DYNC1I1: variants seen among roughly 807,000 people sequenced by gnomAD.
The protein encoded by DYNC1I1 is cytoplasmic dynein 1 intermediate chain 1.
Under a neutral mutation model 86.6 loss-of-function variants are expected in DYNC1I1, and 43 were observed. The observed-to-expected ratio is 0.50, with a 90% confidence interval of 0.39 to 0.64. The LOEUF is 0.64. DYNC1I1 is among the 30% of genes least tolerant of loss of function. The pLI is 0.00. For synonymous variants in DYNC1I1, 262 were observed against 283.7 expected (o/e 0.92, Z 0.77); for missense variants, 604 against 788.8 (o/e 0.77, Z 2.81).
intron 14 of DYNC1I1, among the ~76,000 whole-genome samples, chr7:96,068,435 C>T (rs1425699196): frequency 6.6e-6 from 1 of 152,044 alleles, no homozygotes; most frequent in Non-Finnish European, 1.5e-5. Flanking sequence ...TGTGGGAGTG[C>T]AGAGCTACAT....
At chr7:95,942,833 T>A (rs1198197964) in intron 6 of DYNC1I1, among the ~76,000 whole-genome samples, 2 of 144,580 alleles carry the variant, frequency 1.4e-5, no homozygotes, top group African/African-American at 2.6e-5. Flanking sequence ...CCCTTCATGC[T>A]AAAAACTCTC....
chr7:95,836,918 C>T (rs1294917783), intron 5 of DYNC1I1, among the ~76,000 whole-genome samples: 1 of 151,668 alleles, frequency 6.6e-6, no homozygotes. Context: ...TTTGAATGTC[C>T]TCCCGTAGCT....
chr7:95,804,920 C>G, intron 2 of DYNC1I1, 83 bp downstream of exon 2: 4 of 1,486,414 alleles, frequency 2.7e-6, no homozygotes, highest in Non-Finnish European at 3.6e-6. Context: ...ATAAATAGGA[C>G]TCCCTAAAAG....
At chr7:95,986,547 A>T (rs1793599687) in intron 8 of DYNC1I1, among the ~76,000 whole-genome samples, 1 of 152,150 alleles carries the variant, frequency 6.6e-6, no homozygotes, top group African/African-American at 2.4e-5. Context: ...CGCCTGTCTC[A>T]TGGTAGAAAT....
intron 13 of DYNC1I1, among the ~76,000 whole-genome samples, chr7:96,037,248 G>A (rs920161238): frequency 1.3e-5 from 2 of 152,030 alleles, no homozygotes; most frequent in Non-Finnish European, 2.9e-5. Flanking sequence ...CATAAACCCT[G>A]GCTAAAACCA....
intron 14 of DYNC1I1, among the ~76,000 whole-genome samples, chr7:96,061,854 T>C (rs986803215): frequency 6.6e-6 from 1 of 152,148 alleles, no homozygotes; most frequent in Non-Finnish European, 1.5e-5. Context: ...GTTCTATGGG[T>C]TCCCTATTAA....
intron 16 of DYNC1I1, among the ~76,000 whole-genome samples, chr7:96,105,137 A>G (rs1791196567): frequency 2.0e-5 from 3 of 151,826 alleles, no homozygotes; most frequent in African/African-American, 2.4e-5. Flanking sequence ...ATTTTTTACT[A>G]GTTTGTAGAA....
At chr7:96,017,348 C>CGG in intron 10 of DYNC1I1, among the ~76,000 whole-genome samples, 1 of 152,134 alleles carries the variant, frequency 6.6e-6, no homozygotes, top group African/African-American at 2.4e-5. Flanking sequence ...CGCCTTGTAC[C>CGG]ACATCGCTAT....
At chr7:95,908,607 G>C (rs553655093) in intron 6 of DYNC1I1, among the ~76,000 whole-genome samples, 2 of 151,960 alleles carry the variant, frequency 1.3e-5, no homozygotes, top group African/African-American at 2.4e-5. Context: ...GCATTCAGTC[G>C]TCTGGCCTCT....
At chr7:95,951,765 G>A (rs114166052) in intron 6 of DYNC1I1, among the ~76,000 whole-genome samples, 6,201 of 152,164 alleles carry the variant, frequency 0.041, 329 homozygotes, top group African/African-American at 0.13. Flanking sequence ...TTCATGCAGC[G>A]AAGAGCTGCA....
chr7:95,896,070 C>T (rs891364162), intron 6 of DYNC1I1, among the ~76,000 whole-genome samples: 1 of 152,160 alleles, frequency 6.6e-6, no homozygotes, highest in Non-Finnish European at 1.5e-5. Flanking sequence ...CAAATTATAG[C>T]AGAAGCTGGG....
chr7:96,008,416 A>G (rs1406265540), intron 10 of DYNC1I1, among the ~76,000 whole-genome samples: 4 of 152,214 alleles, frequency 2.6e-5, no homozygotes, highest in Non-Finnish European at 5.9e-5. Flanking sequence ...AAATACAAAA[A>G]AAAAGGCACT....
intron 10 of DYNC1I1, among the ~76,000 whole-genome samples, chr7:95,999,498 G>A (rs1793957480): frequency 6.6e-6 from 1 of 152,292 alleles, no homozygotes; most frequent in Middle Eastern, 3.4e-3. Context: ...GTTTGTGTCA[G>A]TGTTTAAAGC....
intron 1 of DYNC1I1, among the ~76,000 whole-genome samples, chr7:95,795,672 T>C (rs1360042143): frequency 1.3e-5 from 2 of 151,950 alleles, no homozygotes; most frequent in Non-Finnish European, 2.9e-5. Flanking sequence ...TACTTGTAAG[T>C]GGGAGCTAAA....
chr7:95,936,954 T>TCACACA (rs1491214381), intron 6 of DYNC1I1, among the ~76,000 whole-genome samples: 30 of 32,502 alleles, frequency 9.2e-4, no homozygotes, highest in Admixed American at 6.0e-3. Flanking sequence ...AAAGAATATG[T>TCACACA]CTCACACACA....
At chr7:96,017,954 A>C (rs550235203) in intron 10 of DYNC1I1, among the ~76,000 whole-genome samples, 83 of 152,260 alleles carry the variant, frequency 5.5e-4, no homozygotes, top group African/African-American at 1.9e-3. Flanking sequence ...AATTGGTCTC[A>C]ATCAGTTCCC....
intron 6 of DYNC1I1, among the ~76,000 whole-genome samples, chr7:95,909,243 T>TGGGGGGGGGG (rs55986463): frequency 2.5e-5 from 1 of 40,380 alleles, no homozygotes; most frequent in Non-Finnish European, 4.3e-5. Flanking sequence ...GGGAGGGGGG[T>TGGGGGGGGGG]GGGGGGGGGG....
chr7:95,833,631 C>A (rs1176087144), intron 5 of DYNC1I1, among the ~76,000 whole-genome samples: 3 of 149,666 alleles, frequency 2.0e-5, no homozygotes, highest in Admixed American at 6.7e-5. Flanking sequence ...TTGTTTGTAT[C>A]CTCTTTTATT....
intron 14 of DYNC1I1, among the ~76,000 whole-genome samples, chr7:96,063,075 A>ATATGTG (rs753311779): frequency 1.9e-4 from 28 of 150,942 alleles, no homozygotes; most frequent in Admixed American, 5.9e-4. Flanking sequence ...AAAGGGGAAT[A>ATATGTG]TATGTGTATG....
Sources: gnomAD v4.1 joint callset for allele counts (sites outside exome capture counted in the v4.1 genomes callset) on GRCh38, gnomAD v4.1.1 for gene constraint, MANE v1.5 for transcripts, NCBI Gene and HGNC (gene_info 2026-07-23, HGNC 2026-07-21) for gene names.